The following ZNF326 variants were observed in gnomAD, a reference collection of about 807,000 sequenced individuals.
The protein encoded by ZNF326 is DBIRD complex subunit ZNF326.
Under a neutral mutation model 63.1 loss-of-function variants are expected in ZNF326, and 30 were observed. That is an observed-to-expected ratio of 0.48 (90% CI 0.36 to 0.64). ZNF326 has a LOEUF of 0.64. Among genes scored for constraint, ZNF326 ranks in the 30% least tolerant of loss-of-function variants. The pLI is 0.00. For missense variants in ZNF326, 609 were observed against 720.3 expected (o/e 0.85, Z 1.77); for synonymous variants, 194 against 228.2 (o/e 0.85, Z 1.35).
At chr1:89,995,313 G>T in intron 1 of ZNF326, 40 bp downstream of exon 1, 1 of 1,534,622 alleles carries the variant, frequency 6.5e-7, no homozygotes, top group South Asian at 1.2e-5. Context: ...GCTGGCAGGA[G>T]GCGGGGTGGC....
At chr1:90,000,542 A>T (rs559387504) in intron 2 of ZNF326, among the ~76,000 whole-genome samples, 31 of 152,218 alleles carry the variant, frequency 2.0e-4, no homozygotes, top group Non-Finnish European at 3.5e-4. Flanking sequence ...CTACAAAAAA[A>T]TTTTTTAAAA....
In ZNF326 at chr1:90,017,366, GAT is replaced by G; in HGVS notation, c.979_980del (p.Ile327Ter). 3.1e-6 allele frequency: 5 copies of G among 1,605,422 alleles called. No homozygotes were observed. Among genetic ancestry groups the G allele is most frequent in the Non-Finnish European group, 3.4e-6 (4 of 1,177,414 alleles). On this transcript the variant is annotated frameshift_variant, in exon 8 of 12. Transcript: ENST00000340281. LOFTEE classifies it high-confidence loss of function. ...TAAATTTCGAACATTTGAAGAAAAAGATATTGAACTGCATCTGGAAAGTTCTT... is the reference window on the plus strand; with the variant it reads ...TAAATTTCGAACATTTGAAGAAAAAGATTGAACTGCATCTGGAAAGTTCTT... ...FCKFRTFEEK[D>X]IELHLESSSH...
chr1:90,001,867 G>GT (rs931692625), intron 2 of ZNF326, among the ~76,000 whole-genome samples: 2 of 151,836 alleles, frequency 1.3e-5, no homozygotes, highest in Admixed American at 1.3e-4. Context: ...CCATAGGTCA[G>GT]TTTTTTTTCC....
At chr1:90,022,228 C>T (rs1373793484) in intron 10 of ZNF326, 22 bp from the exon 11 acceptor site, 1 of 1,529,140 alleles carries the variant, frequency 6.5e-7, no homozygotes, top group South Asian at 1.2e-5. Context: ...CAAGAACCCT[C>T]AGTGTGTTCT....
At chr1:90,005,886 G>C in intron 4 of ZNF326, 1 of 985,366 alleles carries the variant, frequency 1.0e-6, no homozygotes, top group Non-Finnish European at 1.2e-6. Flanking sequence ...TTGACTAGTC[G>C]AGATTGTATT....
rs749763876 is a variant in ZNF326 at position 89,995,221 on chromosome 1, C to T, written c.-37C>T. ...CGCTCGCCGCCGGCCATAGCTCAGC[C>T]TAGCGCCGCCAAGGCCGACGGCCCT... On this transcript the variant is annotated 5_prime_UTR_variant, in exon 1 of 12. Transcript: ENST00000340281. The T allele has an allele frequency of 1.9e-6, 3 of 1,539,774 alleles. No individual in the cohort carries two copies. Among genetic ancestry groups the T allele is most frequent in the East Asian group, 5.1e-5 (2 of 39,250 alleles).
At chr1:90,021,540 A>C (rs569345885) in intron 10 of ZNF326, among the ~76,000 whole-genome samples, 1 of 152,016 alleles carries the variant, frequency 6.6e-6, no homozygotes, top group Non-Finnish European at 1.5e-5. Flanking sequence ...TGGTCAGTAT[A>C]TTTCTGCTTC....
rs773385308 is a variant in ZNF326, at chr1:90,034,047, G to A, written c.*6346G>A. The A allele has an allele frequency of 6.6e-6, 1 of 152,014 alleles. No homozygotes were observed. Among genetic ancestry groups the A allele is most frequent in the Non-Finnish European group, 1.5e-5 (1 of 67,970 alleles). The allele number at this position is 152,014 out of a possible 1,614,324, so 9.4% of individuals were successfully genotyped here. A position where few individuals can be genotyped will look rare whatever the true frequency, so the allele number is the denominator to read the frequency against. On this transcript the variant is annotated 3_prime_UTR_variant, in exon 12 of 12. Transcript: ENST00000340281. ...CAGGATGAATACTGACAAAATATGT[G>A]TAATCCCAAGCTTAGAAAAATCTCA...
At chr1:90,021,104 C>T (rs1649749578) in intron 10 of ZNF326, among the ~76,000 whole-genome samples, 182 bp downstream of exon 10, 1 of 152,018 alleles carries the variant, frequency 6.6e-6, no homozygotes. Context: ...AAGTAAGACT[C>T]CCTGAGTTGT....
In ZNF326 at chr1:90,027,689, T is replaced by C; in HGVS notation, c.1737T>C (p.Pro579=). The C allele has an allele frequency of 1.2e-6, 2 of 1,613,910 alleles. No individual in the cohort carries two copies. Among genetic ancestry groups the C allele is most frequent in the Non-Finnish European group, 1.7e-6 (2 of 1,179,942 alleles). Residue 579 remains proline (P), a synonymous_variant, in exon 12 of 12, where the codon CCT becomes CCC. Transcript: ENST00000340281. ...EEPADFPVEQ[P]EEN The stretch of plus-strand genomic sequence containing the variant: ...CTGCTGACTTCCCTGTTGAGCAACC[T>C]GAAGAAAATTAAATATAAGGTATTA...
At chr1:90,010,806 A>G (rs1387503608) in intron 6 of ZNF326, among the ~76,000 whole-genome samples, 2 of 152,116 alleles carry the variant, frequency 1.3e-5, no homozygotes, top group Non-Finnish European at 2.9e-5. Flanking sequence ...CTCAAAATAT[A>G]TTTTCTATAA....
rs375384923 is a variant in ZNF326 at position 90,007,429 on chromosome 1, C to A, written c.294C>A (p.Pro98=). Residue 98 remains proline (P), a synonymous_variant, in exon 5 of 12, where the codon CCC becomes CCA. Transcript: ENST00000340281. The surrounding 1 kb of genome is among the most constrained non-coding windows in gnomAD (Gnocchi z 4.9). ...GATCTGGCTATGGTTTTAATGAACC[C>A]GAACAAAGCCGCTTCGGAGGTAGTT... ...LYRSGYGFNE[P]EQSRFGGSYG... is the part of the protein sequence containing the mutation. 3 of 1,613,954 alleles carry A rather than the reference C, an allele frequency of 1.9e-6. No individual in the cohort carries two copies. The highest frequency in any genetic ancestry group is 8.5e-7 in the Non-Finnish European group (1 of 1,179,970).
chr1:90,017,414 C>T lies in ZNF326; in HGVS notation c.1024C>T (p.His342Tyr), dbSNP rs765635985. The change falls in exon 8 of 12, where the codon CAT (histidine) becomes TAT (tyrosine). Residue 342 changes from histidine to tyrosine, a missense_variant. Physicochemically the swap from His to Tyr is moderately conservative, Grantham distance 83. This residue lies in a region of ZNF326 where 399 missense variants were observed against 444.3 expected (regional missense o/e 0.90). Coordinates refer to ENST00000340281, the MANE Select transcript of ZNF326 (RefSeq NM_182976.4). ...ESSSHQETLD[H>Y]IQKQTKFDKV... ...TTCTTCACATCAGGAAACATTAGAT[C>T]ATATACAGAAACAAACTAAATTTGA... is the stretch of plus-strand genomic sequence containing the variant. 5.6e-6 allele frequency: 9 copies of T among 1,600,920 alleles called. No homozygotes were observed. Among genetic ancestry groups the T allele is most frequent in the South Asian group, 1.1e-5 (1 of 87,082 alleles).
At chr1:90,009,411 T>C (rs1249946696) in intron 5 of ZNF326, among the ~76,000 whole-genome samples, 1 of 152,158 alleles carries the variant, frequency 6.6e-6, no homozygotes, top group Non-Finnish European at 1.5e-5. Flanking sequence ...AAGAGTCGTT[T>C]GGTTGCATGA....
chr1:90,005,589 G>T (rs776505726), intron 4 of ZNF326: 14 of 898,190 alleles, frequency 1.6e-5, no homozygotes, highest in Non-Finnish European at 5.3e-6. Context: ...TATTATTTAT[G>T]AAGCTTTTTC....
intron 2 of ZNF326, among the ~76,000 whole-genome samples, chr1:90,004,065 T>G (rs1648834793): frequency 6.6e-6 from 1 of 152,218 alleles, no homozygotes; most frequent in Non-Finnish European, 1.5e-5. Flanking sequence ...TTTTACTTTC[T>G]GATTTTTGTA....
In ZNF326 at chr1:90,007,252, A is replaced by T; in HGVS notation, c.210-93A>T. 1 of 1,296,380 alleles carries T rather than the reference A, an allele frequency of 7.7e-7. No homozygotes were observed. Among genetic ancestry groups the T allele is most frequent in the Non-Finnish European group, 1.1e-6 (1 of 943,316 alleles). The allele number at this position is 1,296,380 out of a possible 1,614,324, so 80.3% of individuals were successfully genotyped here. The stretch of plus-strand genomic sequence containing the variant: ...AACCAGTATGGTATAAATGAATTTT[A>T]GTTGATAAATGTCATCTGATAATTT... On this transcript the variant is annotated intron_variant, in intron 4 of 11. Transcript: ENST00000340281. This position sits in a 1 kb window ranked among gnomAD's most constrained non-coding sequence, Gnocchi z 4.9.
chr1:90,035,340 A>G lies in ZNF326; in HGVS notation c.*7639A>G, dbSNP rs978243064. On this transcript the variant is annotated 3_prime_UTR_variant, in exon 12 of 12. Transcript: ENST00000340281. ...AGGTAGTTTTGTTTAATAGTTCACC[A>G]TGAAAATCTGTACTATATAGAAAAT... 2.0e-5 allele frequency: 3 copies of G among 152,214 alleles called. No individual in the cohort carries two copies. The highest frequency in any genetic ancestry group is 7.2e-5 in the African/African-American group (3 of 41,454). The allele number at this position is 152,214 out of a possible 1,614,324, so 9.4% of individuals were successfully genotyped here.
chr1:90,022,341 T>C lies in ZNF326; in HGVS notation c.1397T>C (p.Val466Ala), dbSNP rs1175359639. The change falls in exon 11 of 12, where the codon GTT becomes GCT. Residue 466 changes from valine to alanine, a missense_variant. By Grantham distance (64) the Val-to-Ala change is moderately conservative. Transcript: ENST00000340281. ...GTGAAGGCGCGATATGAACGTTTTG[T>C]TAAGGTAAGATTTTAGGGCAAAAAC... ...PIVKARYERFVKGENPFEIQD... is the reference protein window; with the variant it reads ...PIVKARYERFAKGENPFEIQD... The C allele has an allele frequency of 1.9e-6, 3 of 1,611,556 alleles. No individual in the cohort carries two copies. In the Admixed American group the frequency reaches 5.0e-5, roughly 27 times the overall value.
Sources: gnomAD v4.1 joint callset for allele counts (sites outside exome capture counted in the v4.1 genomes callset) on GRCh38, gnomAD v4.1.1 for gene constraint, gnomAD v4.1.1 regional missense constraint, Gnocchi (gnomAD v3.1) non-coding constraint, MANE v1.5 for transcripts, NCBI Gene and HGNC (gene_info 2026-07-23, HGNC 2026-07-21) for gene names.